KNDC1: variants seen among roughly 807,000 people sequenced by gnomAD.
The protein encoded by KNDC1 is kinase non-catalytic C-lobe domain containing 1, also known as kinase non-catalytic C-lobe domain-containing protein 1.
KNDC1 carries 106 observed loss-of-function variants against 172.8 expected under a neutral mutation model. The observed-to-expected ratio is 0.61, with a 90% CI of 0.52 to 0.72. The LOEUF (loss-of-function observed/expected upper bound fraction) is 0.72. KNDC1 is among the 30% of genes least tolerant of loss of function. The pLI is 0.00. For missense variants in KNDC1, 2,325 were observed against 2,394.5 expected (o/e 0.97, Z 0.61); for synonymous variants, 1,083 against 1,062.2 (o/e 1.02, Z -0.38).
At chr10:133,175,294 CTGGA>C (rs1564877135) in intron 3 of KNDC1, among the ~76,000 whole-genome samples, 1 of 98,322 alleles carries the variant, frequency 1.0e-5, no homozygotes, top group African/African-American at 4.0e-5. Flanking sequence ...GGATGGGTGG[CTGGA>C]TGGGTGGGTG....
intron 29 of KNDC1, among the ~76,000 whole-genome samples, chr10:133,222,246 G>C (rs1400997167): frequency 6.8e-6 from 1 of 146,348 alleles, no homozygotes; most frequent in Non-Finnish European, 1.5e-5. Context: ...TCGCGCCACC[G>C]CACTCCAGCC....
In KNDC1 at chr10:133,209,227, G is replaced by A. The variant is rs1845296881; in HGVS notation, c.3795-1384G>A. 6.6e-6 allele frequency among the ~76,000 whole-genome samples: 1 copy of A among 151,494 alleles called. No individual in the cohort carries two copies. The highest frequency in any genetic ancestry group is 2.4e-5 in the African/African-American group (1 of 41,162). ...GTACACGTGTGTGGTTGGGTTTTGT[G>A]TGGTGCGTATGCACATGTGTGGTGT... On this transcript the variant is annotated intron_variant, in intron 20 of 29. Transcript: ENST00000304613. This position sits in a 1 kb window ranked among gnomAD's most constrained non-coding sequence, Gnocchi z 4.9.
rs1169746371 is a variant in KNDC1 at position 133,211,659 on chromosome 10, A to G, written c.4057-20A>G. ...TCCAGAAGGTGGCAGTGACCCCCCC[A>G]CCACTGTGCTTCTGCCTAGATCCTA... is the stretch of plus-strand genomic sequence containing the variant. On this transcript the variant is annotated intron_variant, in intron 22 of 29. Transcript: ENST00000304613. 1 of 1,589,802 alleles carries G rather than the reference A, an allele frequency of 6.3e-7. No individual in the cohort carries two copies. Among genetic ancestry groups the G allele is most frequent in the Admixed American group, 1.7e-5 (1 of 57,762 alleles).
intron 9 of KNDC1, among the ~76,000 whole-genome samples, chr10:133,192,425 A>G (rs1161948138): frequency 6.6e-6 from 1 of 152,220 alleles, no homozygotes; most frequent in East Asian, 1.9e-4. Context: ...AAGAATCAGG[A>G]AGATGTCAAA....
In KNDC1 at chr10:133,199,009, G is replaced by A; in HGVS notation, c.2501G>A (p.Ser834Asn). ...CGCCACCCGCCCAAGCCCCCACGAA[G>A]CAAGGCCACCGAGCGCCCGGGCCAG... The part of the protein sequence containing the change: ...GPRHPPKPPR[S>N]KATERPGQEP... Residue 834 changes from serine (S) to asparagine (N), a missense_variant, in exon 14 of 30, where the codon AGC becomes AAC. Transcript: ENST00000304613. 6.4e-7 allele frequency: 1 copy of A among 1,563,380 alleles called. No individual in the cohort carries two copies. Among genetic ancestry groups the A allele is most frequent in the Non-Finnish European group, 8.6e-7 (1 of 1,156,816 alleles).
chr10:133,202,930 G>A (rs1331273192), intron 17 of KNDC1, among the ~76,000 whole-genome samples: 1 of 152,086 alleles, frequency 6.6e-6, no homozygotes, highest in Non-Finnish European at 1.5e-5. Flanking sequence ...GGCCGGCACA[G>A]CAAACACCAA....
At chr10:133,183,094 C>T (rs1564881822) in intron 3 of KNDC1, among the ~76,000 whole-genome samples, 1 of 148,796 alleles carries the variant, frequency 6.7e-6, no homozygotes, top group Non-Finnish European at 1.5e-5. Flanking sequence ...GCAGTGTGGA[C>T]GTGGGTGGCG....
chr10:133,199,644 T>G, intron 15 of KNDC1, 42 bp downstream of exon 15: 2 of 1,602,330 alleles, frequency 1.2e-6, no homozygotes, highest in Non-Finnish European at 1.7e-6. Context: ...CCCTCCCTGA[T>G]GCCCACTGTG....
intron 3 of KNDC1, among the ~76,000 whole-genome samples, chr10:133,177,961 ATG>A (rs943989130): frequency 2.2e-5 from 3 of 138,480 alleles, no homozygotes; most frequent in Non-Finnish European, 4.6e-5. Context: ...AGCATGATGT[ATG>A]TGTGTAGCGT....
intron 3 of KNDC1, among the ~76,000 whole-genome samples, chr10:133,173,556 G>A (rs11101606): frequency 0.022 from 3,364 of 152,200 alleles, 46 homozygotes; most frequent in Middle Eastern, 0.034. Flanking sequence ...AATGTGAACA[G>A]ATTGGTTTTT....
At chr10:133,179,797 C>T (rs1032121644) in intron 3 of KNDC1, among the ~76,000 whole-genome samples, 1 of 152,186 alleles carries the variant, frequency 6.6e-6, no homozygotes. Context: ...GCAACGTCCA[C>T]CTCCTCGACC....
intron 3 of KNDC1, among the ~76,000 whole-genome samples, chr10:133,180,597 C>G (rs565169330): frequency 6.6e-6 from 1 of 152,368 alleles, no homozygotes; most frequent in African/African-American, 2.4e-5. Context: ...GGAGAACATC[C>G]TCCTGCAAAG....
rs1052985429 is a variant in KNDC1 at position 133,196,010 on chromosome 10, G to A, written c.1734+189G>A. On this transcript the variant is annotated intron_variant, in intron 10 of 29. Transcript: ENST00000304613. The stretch of plus-strand genomic sequence containing the variant: ...GCATGGGGAAGGGAGTGGGTTTCGC[G>A]TCATGGCCACGTCCATGTGGGTGGA... Among the ~76,000 whole-genome samples, 7 of 152,214 alleles carry A rather than the reference G, an allele frequency of 4.6e-5. No individual in the cohort carries two copies. The South Asian group carries it at 8.3e-4, about 18-fold the overall frequency.
intron 1 of KNDC1, among the ~76,000 whole-genome samples, chr10:133,166,224 C>T (rs1004993306): frequency 2.0e-5 from 3 of 152,052 alleles, no homozygotes; most frequent in Non-Finnish European, 4.4e-5. Context: ...GGGGGGCCAG[C>T]GATGGGGGAG....
Position 133,196,491 on chromosome 10 carries a change from C to CCATGGGG in KNDC1, c.1735-566_1735-560dup, listed in dbSNP as rs548013741. ...GCCGTGTCTGGGGGAGCGGAGACGG[C>CCATGGGG]CATGGGGTTGGGGACCTGGGTCCAG... On this transcript the variant is annotated intron_variant, in intron 10 of 29. Coordinates refer to ENST00000304613, the MANE Select transcript of KNDC1 (RefSeq NM_152643.8). Among the ~76,000 whole-genome samples the CCATGGGG allele has an allele frequency of 2.4e-3, 369 of 152,138 alleles. 2 individuals carry two copies. Among genetic ancestry groups the CCATGGGG allele is most frequent in the African/African-American group, 8.0e-3 (333 of 41,522 alleles).
At chr10:133,197,867 G>A (rs1005348945) in intron 12 of KNDC1, 99 bp downstream of exon 12, 16 of 974,514 alleles carry the variant, frequency 1.6e-5, no homozygotes, top group South Asian at 2.6e-5. Context: ...GGCACCTCTC[G>A]GAAACCCGGG....
In KNDC1 at chr10:133,186,387, G is replaced by A. The variant is rs751530472; in HGVS notation, c.1039G>A (p.Asp347Asn). ...TCCGGACCCCAGGAAGGCCTTTCTG[G>A]ACAGGAAAAATGGCCTTTCTAGCTT... ...FSPDPRKAFL[D>N]RKNGLSSFQA... Residue 347 changes from aspartate (D) to asparagine (N), a missense_variant, in exon 6 of 30, where the codon GAC becomes AAC. Physicochemically the swap from Asp to Asn is conservative, Grantham distance 23. Transcript: ENST00000304613. 15 of 1,612,790 alleles carry A rather than the reference G, an allele frequency of 9.3e-6. No individual in the cohort carries two copies. Among genetic ancestry groups the A allele is most frequent in the Middle Eastern group, 3.3e-4 (2 of 6,062 alleles).
intron 5 of KNDC1, among the ~76,000 whole-genome samples, chr10:133,184,628 TCA>T (rs1205002431): frequency 1.3e-5 from 2 of 152,186 alleles, no homozygotes; most frequent in Non-Finnish European, 2.9e-5. Context: ...GTCCACTGCC[TCA>T]CACGTGGTCA....
At chr10:133,168,698 C>T (rs976604990) in intron 3 of KNDC1, among the ~76,000 whole-genome samples, 1 of 152,246 alleles carries the variant, frequency 6.6e-6, no homozygotes, top group East Asian at 1.9e-4. Flanking sequence ...TGATGATCGG[C>T]AGGGAATCAC....
Sources: gnomAD v4.1 joint callset for allele counts (sites outside exome capture counted in the v4.1 genomes callset) on GRCh38, gnomAD v4.1.1 for gene constraint, Gnocchi (gnomAD v3.1) non-coding constraint, MANE v1.5 for transcripts, NCBI Gene and HGNC (gene_info 2026-07-23, HGNC 2026-07-21) for gene names.